TMEM170B: variants seen among roughly 807,000 people sequenced by gnomAD.
TMEM170B encodes transmembrane protein 170B.
In TMEM170B, 6 loss-of-function variants were observed where a neutral mutation model predicts 13.0. The observed-to-expected ratio is 0.46, with a 90% CI of 0.25 to 0.91. TMEM170B has a LOEUF of 0.91. Among genes scored for constraint, TMEM170B ranks in the 40% least tolerant of loss-of-function variants. The pLI, the probability that TMEM170B is intolerant of heterozygous loss-of-function variation, is 0.17. For missense variants in TMEM170B, 138 were observed against 165.2 expected (o/e 0.84, Z 0.90); for synonymous variants, 61 against 64.9 (o/e 0.94, Z 0.29).
At chr6:11,554,264 A>G (rs1759560572) in intron 1 of TMEM170B, among the ~76,000 whole-genome samples, 1 of 152,068 alleles carries the variant, frequency 6.6e-6, no homozygotes, top group South Asian at 2.1e-4. Flanking sequence ...TTGGTGATTC[A>G]AACAAACATG....
At chr6:11,563,507 A>G (rs971693310) in intron 1 of TMEM170B, among the ~76,000 whole-genome samples, 3 of 151,436 alleles carry the variant, frequency 2.0e-5, no homozygotes, top group Non-Finnish European at 4.4e-5. Context: ...CCCAGAAACG[A>G]CTCCCATTTA....
At chr6:11,560,252 C>T (rs2113773947) in intron 1 of TMEM170B, among the ~76,000 whole-genome samples, 1 of 151,938 alleles carries the variant, frequency 6.6e-6, no homozygotes, top group East Asian at 1.9e-4. Flanking sequence ...GCAAGCTCCA[C>T]CTCCTGGGTT....
Position 11,538,273 on chromosome 6 carries a change from G to A in TMEM170B, c.-5G>A. Reference sequence around the variant, plus strand: ...GGAGAGGGCGGCGGGCGCCCCTCGGGGAAGATGAAGGCGGAGGGGGGCGAC... The same window carrying A: ...GGAGAGGGCGGCGGGCGCCCCTCGGAGAAGATGAAGGCGGAGGGGGGCGAC... On this transcript the variant is annotated 5_prime_UTR_variant, in exon 1 of 3. Coordinates refer to ENST00000379426, the MANE Select transcript of TMEM170B (RefSeq NM_001100829.3). The A allele has an allele frequency of 2.2e-6, 3 of 1,367,232 alleles. No homozygotes were observed. Among genetic ancestry groups the A allele is most frequent in the Non-Finnish European group, 1.9e-6 (2 of 1,057,948 alleles). The allele number at this position is 1,367,232 out of a possible 1,614,324, so 84.7% of individuals were successfully genotyped here.
chr6:11,546,678 T>C (rs2113763983), intron 1 of TMEM170B, among the ~76,000 whole-genome samples: 1 of 152,354 alleles, frequency 6.6e-6, no homozygotes, highest in African/African-American at 2.4e-5. Context: ...TACAATTGCC[T>C]GCAGTATTGA....
At chr6:11,555,626 T>C (rs1759577428) in intron 1 of TMEM170B, among the ~76,000 whole-genome samples, 1 of 152,210 alleles carries the variant, frequency 6.6e-6, no homozygotes, top group South Asian at 2.1e-4. Flanking sequence ...TTCATTTGGC[T>C]CTCAGAATTT....
intron 1 of TMEM170B, among the ~76,000 whole-genome samples, chr6:11,552,136 T>A (rs1759533351): frequency 2.0e-5 from 3 of 152,186 alleles, no homozygotes; most frequent in Admixed American, 2.0e-4. Context: ...CAGGAGATTT[T>A]GTTATTGAGA....
At chr6:11,566,240 C>T (rs975265817) in intron 2 of TMEM170B, among the ~76,000 whole-genome samples, 1 of 152,152 alleles carries the variant, frequency 6.6e-6, no homozygotes. Flanking sequence ...ATGTCATCTG[C>T]CTGTGACTAC....
chr6:11,552,182 T>C (rs1478884834), intron 1 of TMEM170B, among the ~76,000 whole-genome samples: 2 of 152,206 alleles, frequency 1.3e-5, no homozygotes, highest in Non-Finnish European at 2.9e-5. Flanking sequence ...TTTTTAAAAT[T>C]ATTTTTTGTG....
At position 11,579,700 on chromosome 6, in the gene TMEM170B, A is replaced by T. The variant is rs1759926455; in HGVS notation, c.*4139A>T. ...GATTAAATTAGGAGTTCTGTTGACC[A>T]CTGGTTAAAATAGGAAAAGGGTAGA... On this transcript the variant is annotated 3_prime_UTR_variant, in exon 3 of 3. Coordinates refer to ENST00000379426, the MANE Select transcript of TMEM170B (RefSeq NM_001100829.3). The T allele has an allele frequency of 6.6e-6, 1 of 152,214 alleles. No homozygotes were observed. Among genetic ancestry groups the T allele is most frequent in the South Asian group, 2.1e-4 (1 of 4,828 alleles). 9.4% of individuals were successfully genotyped at this position (152,214 alleles called of 1,614,324 possible).
At position 11,538,156 on chromosome 6, in the gene TMEM170B, C is replaced by T. The variant is rs1403575517; in HGVS notation, c.-122C>T. ...AGCAGCAGCGCCCGGCCCGGCGTCC[C>T]GCAGCCTCCACCAGCGGCGGCGGCC... is the stretch of plus-strand genomic sequence containing the variant. On this transcript the variant is annotated 5_prime_UTR_variant, in exon 1 of 3. Coordinates refer to ENST00000379426, the MANE Select transcript of TMEM170B (RefSeq NM_001100829.3). The T allele has an allele frequency of 8.9e-5, 20 of 225,474 alleles. No homozygotes were observed. The East Asian group carries it at 3.2e-3, about 36-fold the overall frequency. The allele number at this position is 225,474 out of a possible 1,614,324, so 14.0% of individuals were successfully genotyped here.
intron 1 of TMEM170B, among the ~76,000 whole-genome samples, chr6:11,560,058 G>GAAA (rs1759642112): frequency 3.9e-5 from 6 of 152,018 alleles, no homozygotes; most frequent in African/African-American, 1.4e-4. Flanking sequence ...CTAGAGTAGT[G>GAAA]ATTTCTGTCT....
chr6:11,555,486 A>C (rs921656504), intron 1 of TMEM170B, among the ~76,000 whole-genome samples: 4 of 151,998 alleles, frequency 2.6e-5, no homozygotes, highest in Admixed American at 2.0e-4. Context: ...TATTTTTGAA[A>C]AATTTTCAGC....
At chr6:11,566,691 A>G (rs978456231) in intron 2 of TMEM170B, among the ~76,000 whole-genome samples, 5 of 152,256 alleles carry the variant, frequency 3.3e-5, no homozygotes, top group African/African-American at 1.2e-4. Flanking sequence ...TTGGAGGTCA[A>G]GTGCCCCATT....
rs1759881214 is a variant in TMEM170B, at chr6:11,576,916, A to G, written c.*1355A>G. 6.6e-6 allele frequency: 1 copy of G among 152,128 alleles called. No individual in the cohort carries two copies. Among genetic ancestry groups the G allele is most frequent in the Non-Finnish European group, 1.5e-5 (1 of 67,972 alleles). 9.4% of individuals were successfully genotyped at this position (152,128 alleles called of 1,614,324 possible). ...TAAAACATTTTAAGAGGTTCTGGCA[A>G]TACGTAATTGTAAGAGTATAGGAAG... On this transcript the variant is annotated 3_prime_UTR_variant, in exon 3 of 3. Transcript: ENST00000379426.
chr6:11,563,227 T>C (rs910060278), intron 1 of TMEM170B, among the ~76,000 whole-genome samples: 1 of 152,054 alleles, frequency 6.6e-6, no homozygotes, highest in Admixed American at 6.5e-5. Context: ...TCCCAGCTAC[T>C]TGGGAGGCTG....
intron 1 of TMEM170B, among the ~76,000 whole-genome samples, chr6:11,539,659 G>T (rs889712906): frequency 6.6e-6 from 1 of 152,178 alleles, no homozygotes; most frequent in Non-Finnish European, 1.5e-5. Context: ...CATGATGATT[G>T]CCGGTAAGGA....
intron 2 of TMEM170B, among the ~76,000 whole-genome samples, chr6:11,572,817 ATATG>A (rs922205091): frequency 5.4e-4 from 82 of 152,224 alleles, no homozygotes; most frequent in Admixed American, 1.6e-3. Flanking sequence ...ACACACATAC[ATATG>A]TATGTATGTA....
At chr6:11,550,803 C>G (rs1225590714) in intron 1 of TMEM170B, among the ~76,000 whole-genome samples, 1 of 152,192 alleles carries the variant, frequency 6.6e-6, no homozygotes. Flanking sequence ...AAAATTACCA[C>G]TCAACTGCAG....
Position 11,572,567 on chromosome 6 carries a change from G to A in TMEM170B, c.269-2864G>A, listed in dbSNP as rs551606431. ...TCTTGGAATTTTAGGGGTGTTTTAG[G>A]CAAGTTAGGTATAGAAGTTAAGTTA... is the stretch of plus-strand genomic sequence containing the variant. On this transcript the variant is annotated intron_variant, in intron 2 of 2. Transcript: ENST00000379426. Among the ~76,000 whole-genome samples the A allele has an allele frequency of 1.6e-4, 24 of 152,128 alleles. No individual in the cohort carries two copies. In the East Asian group the frequency reaches 3.7e-3, roughly 23 times the overall value.
Sources: allele counts gnomAD v4.1 joint callset (sites outside exome capture counted in the v4.1 genomes callset), GRCh38; gene constraint gnomAD v4.1.1; transcripts MANE v1.5; gene names NCBI Gene and HGNC (gene_info 2026-07-23, HGNC 2026-07-21).